Variants in USP5 observed in about 807,000 individuals in gnomAD.
USP5 encodes the protein ubiquitin carboxyl-terminal hydrolase 5.
Under a neutral mutation model 102.5 loss-of-function variants are expected in USP5, and 24 were observed. The ratio of observed to expected loss-of-function variants is 0.23; its 90% CI spans 0.17 to 0.33. The LOEUF (loss-of-function observed/expected upper bound fraction) is 0.33. Ranked by LOEUF, USP5 falls within the 10% of genes least tolerant of loss-of-function variation. The pLI is 1.00. For missense variants in USP5, 753 were observed against 1,122.1 expected (o/e 0.67, Z 4.70); for synonymous variants, 460 against 434.8 (o/e 1.06, Z -0.72).
chr12:6,859,274 C>CTTGCACATTGTGCAAT (rs1944205409), intron 8 of USP5, among the ~76,000 whole-genome samples, 196 bp from the exon 9 acceptor site: 1 of 151,950 alleles, frequency 6.6e-6, no homozygotes, highest in South Asian at 2.1e-4. Flanking sequence ...TGCCGCCGAG[C>CTTGCACATTGTGCAAT]GTGCTTGCAC....
rs1388254255 is a variant in USP5 at position 6,856,164 on chromosome 12, C to T, written c.438+14C>T. On this transcript the variant is annotated intron_variant, in intron 4 of 19. Transcript: ENST00000229268. This position sits in a 1 kb window ranked among gnomAD's most constrained non-coding sequence, Gnocchi z 5.6. ...GTCAGAGATCGGGTATGACTGCCCC[C>T]TATGCTACCCAAGATTCTAGAGCAA... 1 of 1,613,904 alleles carries T rather than the reference C, an allele frequency of 6.2e-7. No homozygotes were observed. The highest frequency in any genetic ancestry group is 8.5e-7 in the Non-Finnish European group (1 of 1,179,900).
At chr12:6,862,907 T>C in intron 14 of USP5, among the ~76,000 whole-genome samples, 1 of 152,226 alleles carries the variant, frequency 6.6e-6, no homozygotes, top group East Asian at 1.9e-4. Context: ...GATAAGGAAG[T>C]TGAGACTCAC....
rs1944436265 is a variant in USP5 at position 6,866,034 on chromosome 12, A to G, written c.2534A>G (p.Lys845Arg). 3 of 1,614,030 alleles carry G rather than the reference A, an allele frequency of 1.9e-6. No individual in the cohort carries two copies. The highest frequency in any genetic ancestry group is 2.5e-6 in the Non-Finnish European group (3 of 1,179,982). The change falls in exon 20 of 20, where the codon AAG (lysine) becomes AGG (arginine). Residue 845 changes from lysine (K) to arginine (R), a missense_variant. Around this residue, in one of 3 missense-constraint regions of USP5, gnomAD observed 33 missense variants for 75.3 expected, o/e 0.44. Transcript: ENST00000229268. The surrounding 1 kb of genome is among the most constrained non-coding windows in gnomAD (Gnocchi z 4.7). Reference sequence around the variant, plus strand: ...GTGTGTGCCTCCGAGAAGCCGCCCAAGGACCTGGGCTACATCTACTTCTAC... The same window carrying G: ...GTGTGTGCCTCCGAGAAGCCGCCCAGGGACCTGGGCTACATCTACTTCTAC... The part of the protein sequence containing the change: ...QKVCASEKPP[K>R]DLGYIYFYQR...
Position 6,863,495 on chromosome 12 carries a change from C to A in USP5, c.1954+118C>A. 1 of 1,301,738 alleles carries A rather than the reference C, an allele frequency of 7.7e-7. No homozygotes were observed. The highest frequency in any genetic ancestry group is 1.1e-6 in the Non-Finnish European group (1 of 940,634). 80.6% of individuals were successfully genotyped at this position (1,301,738 alleles called of 1,614,324 possible). A position where few individuals can be genotyped will look rare whatever the true frequency, so the allele number is the denominator to read the frequency against. On this transcript the variant is annotated intron_variant, in intron 15 of 19. Coordinates refer to ENST00000229268, the MANE Select transcript of USP5 (RefSeq NM_001098536.2). The surrounding 1 kb of genome is among the most constrained non-coding windows in gnomAD (Gnocchi z 4.7). ...GTCCTCCCTTTCAAATTTCCTCTGCCCTCTTTGATTGACATGGGGCCTCCC... is the reference window on the plus strand; with the variant it reads ...GTCCTCCCTTTCAAATTTCCTCTGCACTCTTTGATTGACATGGGGCCTCCC...
Position 6,858,531 on chromosome 12 carries a change from C to T in USP5, c.972C>T (p.Gly324=). The T allele has an allele frequency of 6.2e-7, 1 of 1,613,962 alleles. No individual in the cohort carries two copies. ...GVPLKPLFGP[G]YTGIRNLGNS... ...CACTCAAGCCCCTGTTTGGGCCTGG[C>T]TACACAGGCATCCGGAACCTGGGTA... The change falls in exon 8 of 20, where the codon GGC becomes GGT. Residue 324 remains glycine (G), a synonymous_variant. Transcript: ENST00000229268. This position sits in a 1 kb window ranked among gnomAD's most constrained non-coding sequence, Gnocchi z 4.2.
rs1944270171 is a variant in USP5 at position 6,861,316 on chromosome 12, G to A, written c.1499-127G>A. 1 of 1,306,746 alleles carries A rather than the reference G, an allele frequency of 7.7e-7. No individual in the cohort carries two copies. The allele number at this position is 1,306,746 out of a possible 1,614,324, so 80.9% of individuals were successfully genotyped here. A position where few individuals can be genotyped will look rare whatever the true frequency, so the allele number is the denominator to read the frequency against. On this transcript the variant is annotated intron_variant, in intron 12 of 19. Transcript: ENST00000229268. This position sits in a 1 kb window ranked among gnomAD's most constrained non-coding sequence, Gnocchi z 4.9. ...GCATGGAAACAGGCGAGATATATTG[G>A]ACATGTGTCAGGGGTGCTTTGGAAG...
chr12:6,864,759 G>A lies in USP5; in HGVS notation c.2282G>A (p.Ser761Asn), dbSNP rs1351446626. Residue 761 changes from serine (S) to asparagine (N), a missense_variant, in exon 18 of 20, where the codon AGT (serine) becomes AAT (asparagine). Physicochemically the swap from Ser to Asn is conservative, Grantham distance 46. Coordinates refer to ENST00000229268, the MANE Select transcript of USP5 (RefSeq NM_001098536.2). The surrounding 1 kb of genome is among the most constrained non-coding windows in gnomAD (Gnocchi z 4.8). ...SLERAVDWIF[S>N]HIDDLDAEAA... The stretch of plus-strand genomic sequence containing the variant: ...GAACGGGCTGTGGACTGGATCTTCA[G>A]TCACATTGACGACCTGGATGCTGAA... 6.2e-7 allele frequency: 1 copy of A among 1,612,950 alleles called. No homozygotes were observed. Among genetic ancestry groups the A allele is most frequent in the African/African-American group, 1.3e-5 (1 of 74,940 alleles).
At position 6,864,676 on chromosome 12, in the gene USP5, A is replaced by C; in HGVS notation, c.2245-46A>C. The C allele has an allele frequency of 6.3e-7, 1 of 1,575,550 alleles. No homozygotes were observed. The highest frequency in any genetic ancestry group is 8.6e-7 in the Non-Finnish European group (1 of 1,164,596). ...TGCACTCCAGCCTGGGCGACAGAGC[A>C]AGACTCCGTCTCAAGAAAAAAAGTA... On this transcript the variant is annotated intron_variant, in intron 17 of 19. Transcript: ENST00000229268. This position sits in a 1 kb window ranked among gnomAD's most constrained non-coding sequence, Gnocchi z 4.8.
At position 6,863,836 on chromosome 12, in the gene USP5, T is replaced by C; in HGVS notation, c.1961T>C (p.Met654Thr). 1 of 1,587,708 alleles carries C rather than the reference T, an allele frequency of 6.3e-7. No individual in the cohort carries two copies. Among genetic ancestry groups the C allele is most frequent in the Non-Finnish European group, 8.6e-7 (1 of 1,165,430 alleles). The change falls in exon 16 of 20, where the codon ATG (methionine) becomes ACG (threonine). Residue 654 changes from methionine to threonine, a missense_variant. This residue lies in a region of USP5 where 193 missense variants were observed against 230.2 expected (regional missense o/e 0.84). Coordinates refer to ENST00000229268, the MANE Select transcript of USP5 (RefSeq NM_001098536.2). This position sits in a 1 kb window ranked among gnomAD's most constrained non-coding sequence, Gnocchi z 4.7. Reference protein sequence around the residue: ...SPHFSSPTSPMLDESVIIQLV... With the variant: ...SPHFSSPTSPTLDESVIIQLV... ...CCCACAATTCCCATTACAGCGCCCA[T>C]GCTGGATGAATCAGTCATCATCCAG...
At chr12:6,857,531 C>T in intron 6 of USP5, 98 bp from the exon 7 acceptor site, 2 of 1,016,038 alleles carry the variant, frequency 2.0e-6, no homozygotes, top group East Asian at 2.4e-5. Context: ...ACTGGCTCTC[C>T]TTCTGTCCCC....
In USP5 at chr12:6,860,600, A is replaced by G; in HGVS notation, c.1344+109A>G. On this transcript the variant is annotated intron_variant, in intron 11 of 19. Coordinates refer to ENST00000229268, the MANE Select transcript of USP5 (RefSeq NM_001098536.2). The surrounding 1 kb of genome is among the most constrained non-coding windows in gnomAD (Gnocchi z 5.5). ...CAACCCAGTCCCATCCCTGAACCCC[A>G]ACAGTCTGTGTCCCTGTGAACAGTG... The G allele has an allele frequency of 6.5e-7, 1 of 1,540,862 alleles. No individual in the cohort carries two copies. The highest frequency in any genetic ancestry group is 1.3e-5 in the African/African-American group (1 of 74,092).
rs781837647 is a variant in USP5, at chr12:6,858,401, C to T, written c.865-23C>T. ...TACAGGGTTGAGTTTCTCACTCAGT[C>T]TGAAGTGCCCCTTCTCACACAGACA... On this transcript the variant is annotated intron_variant, in intron 7 of 19. Coordinates refer to ENST00000229268, the MANE Select transcript of USP5 (RefSeq NM_001098536.2). The surrounding 1 kb of genome is among the most constrained non-coding windows in gnomAD (Gnocchi z 4.2). 1.2e-5 allele frequency: 19 copies of T among 1,588,994 alleles called. No individual in the cohort carries two copies. Among genetic ancestry groups the T allele is most frequent in the Non-Finnish European group, 1.6e-5 (19 of 1,158,806 alleles).
In USP5 at chr12:6,856,993, G is replaced by A. The variant is rs782692705; in HGVS notation, c.769+102G>A. On this transcript the variant is annotated intron_variant, in intron 6 of 19. Transcript: ENST00000229268. This position sits in a 1 kb window ranked among gnomAD's most constrained non-coding sequence, Gnocchi z 5.6. ...ATACATGAATGCATTATCTTGATAAGAAAGGAAAGTAGTCAGGTGCGGTGG... is the reference window on the plus strand; with the variant it reads ...ATACATGAATGCATTATCTTGATAAAAAAGGAAAGTAGTCAGGTGCGGTGG... 652 of 1,420,604 alleles carry A rather than the reference G, an allele frequency of 4.6e-4. 4 individuals are homozygous for A. The African/African-American group carries it at 8.3e-3, about 18-fold the overall frequency. The allele number at this position is 1,420,604 out of a possible 1,614,324, so 88.0% of individuals were successfully genotyped here. A position where few individuals can be genotyped will look rare whatever the true frequency, so the allele number is the denominator to read the frequency against.
chr12:6,859,461 G>A lies in USP5; in HGVS notation c.1059-9G>A. 6.2e-7 allele frequency: 1 copy of A among 1,614,082 alleles called. No homozygotes were observed. The highest frequency in any genetic ancestry group is 1.3e-5 in the African/African-American group (1 of 75,024). On this transcript the variant is annotated splice_polypyrimidine_tract_variant and intron_variant, in intron 8 of 19. Coordinates refer to ENST00000229268, the MANE Select transcript of USP5 (RefSeq NM_001098536.2). ...GAGCCCCTCCAACTGTCCTTCCCTT[G>A]ACTTTTAGGTATGTGGATAAGCTGG...
Position 6,860,510 on chromosome 12 carries a change from G to A in USP5, c.1344+19G>A, listed in dbSNP as rs1555129296. ...GGTGGAGGTAAGGGCTGGCAAGATG[G>A]CACACCCCCATCTTCCTGCAATTTA... On this transcript the variant is annotated intron_variant, in intron 11 of 19. Transcript: ENST00000229268. This position sits in a 1 kb window ranked among gnomAD's most constrained non-coding sequence, Gnocchi z 5.5. 2 of 1,612,872 alleles carry A rather than the reference G, an allele frequency of 1.2e-6. No individual in the cohort carries two copies. The highest frequency in any genetic ancestry group is 1.7e-6 in the Non-Finnish European group (2 of 1,179,868).
intron 1 of USP5, among the ~76,000 whole-genome samples, 191 bp downstream of exon 1, chr12:6,852,481 C>T (rs782499166): frequency 5.2e-5 from 8 of 152,382 alleles, no homozygotes; most frequent in Admixed American, 2.6e-4. Context: ...CCGGAAGCCG[C>T]CGCGCTCACC....
Position 6,852,227 on chromosome 12 carries a change from C to T in USP5, c.48C>T (p.Ile16=). 1 of 1,613,352 alleles carries T rather than the reference C, an allele frequency of 6.2e-7. No individual in the cohort carries two copies. Among genetic ancestry groups the T allele is most frequent in the Non-Finnish European group, 8.5e-7 (1 of 1,179,782 alleles). ...EEALLSVLPT[I]RVPKAGDRVH... is the part of the protein sequence containing the mutation. ...CGCTGCTGTCAGTATTACCGACGAT[C>T]CGGGTCCCTAAGGCTGGAGACCGGG... The change falls in exon 1 of 20, where the codon ATC becomes ATT. Residue 16 remains isoleucine (I), a synonymous_variant. Coordinates refer to ENST00000229268, the MANE Select transcript of USP5 (RefSeq NM_001098536.2).
rs782100814 is a variant in USP5 at position 6,862,040 on chromosome 12, T to C, written c.1673+423T>C. ...CTCGGGGAGTCAGCTACCCAGCCCT[T>C]TGCTGCTCCTGCCAGTGAAACAGCT... On this transcript the variant is annotated intron_variant, in intron 13 of 19. Coordinates refer to ENST00000229268, the MANE Select transcript of USP5 (RefSeq NM_001098536.2). 5.3e-5 allele frequency among the ~76,000 whole-genome samples: 8 copies of C among 151,738 alleles called. 1 individual carries two copies. Among genetic ancestry groups the C allele is most frequent in the African/African-American group, 1.9e-4 (8 of 41,438 alleles).
In USP5 at chr12:6,855,716, G is replaced by A. The variant is rs782239317; in HGVS notation, c.238-39G>A. ...CTCCTCCCGACTTGTTCCTTCGCTC[G>A]TGCTCATTGCTGATCCAGCCCTTCC... On this transcript the variant is annotated intron_variant, in intron 2 of 19. Transcript: ENST00000229268. The surrounding 1 kb of genome is among the most constrained non-coding windows in gnomAD (Gnocchi z 4.6). The A allele has an allele frequency of 8.7e-6, 14 of 1,613,150 alleles. No individual in the cohort carries two copies. The highest frequency in any genetic ancestry group is 4.0e-5 in the African/African-American group (3 of 74,886).
Sources: gnomAD v4.1 joint callset for allele counts (sites outside exome capture counted in the v4.1 genomes callset) on GRCh38, gnomAD v4.1.1 for gene constraint, gnomAD v4.1.1 regional missense constraint, Gnocchi (gnomAD v3.1) non-coding constraint, MANE v1.5 for transcripts, NCBI Gene and HGNC (gene_info 2026-07-23, HGNC 2026-07-21) for gene names.